Variants in SLC22A3 observed in about 807,000 individuals in gnomAD.
The protein encoded by SLC22A3 is EMT organic cation transporter 3.
In SLC22A3, 51 loss-of-function variants were observed where a neutral mutation model predicts 59.1. The observed-to-expected ratio is 0.86, with a 90% confidence interval of 0.69 to 1.09. The LOEUF is 1.09. Ranked by LOEUF, SLC22A3 falls within the 50% of genes least tolerant of loss-of-function variation. SLC22A3 has a pLI of 0.00. For missense variants in SLC22A3, 711 were observed against 726.3 expected, an observed-to-expected ratio of 0.98 and a Z score of 0.24; for synonymous variants, 325 against 292.0, an observed-to-expected ratio of 1.11 and a Z score of -1.15.
At chr6:160,390,172 G>T (rs546770703) in intron 1 of SLC22A3, among the ~76,000 whole-genome samples, 80 of 152,298 alleles carry the variant, frequency 5.3e-4, no homozygotes, top group African/African-American at 1.9e-3. Context: ...TGATCCACTT[G>T]TTAAGCACTC....
chr6:160,403,140 G>T (rs1000672377), intron 2 of SLC22A3, among the ~76,000 whole-genome samples: 1 of 151,260 alleles, frequency 6.6e-6, no homozygotes, highest in Admixed American at 6.6e-5. Context: ...CCTCCAGTCA[G>T]ACTAAGAAAA....
In SLC22A3 at chr6:160,415,346, C is replaced by A. The variant is rs1322606985; in HGVS notation, c.975+4500C>A. 5.9e-5 allele frequency among the ~76,000 whole-genome samples: 9 copies of A among 152,188 alleles called. No individual in the cohort carries two copies. Among genetic ancestry groups the A allele is most frequent in the African/African-American group, 2.2e-4 (9 of 41,452 alleles). Reference sequence around the variant, plus strand: ...GGTAGGCACTGTACTTGAACTCCAACCCCAAAAATCACAGCAGGATTCCAT... The same window carrying A: ...GGTAGGCACTGTACTTGAACTCCAAACCCAAAAATCACAGCAGGATTCCAT... On this transcript the variant is annotated intron_variant, in intron 5 of 10. Coordinates refer to ENST00000275300, the MANE Select transcript of SLC22A3 (RefSeq NM_021977.4). The surrounding 1 kb of genome is among the most constrained non-coding windows in gnomAD (Gnocchi z 4.1).
rs1007048027 is a variant in SLC22A3, at chr6:160,356,602, C to G, written c.429+7754C>G. ...GGGCTGAGCAGCTCCCAGGGTGCAG[C>G]GCTGTCCCCTTCATGGCTATGGAGT... On this transcript the variant is annotated intron_variant, in intron 1 of 10. Transcript: ENST00000275300. Among the ~76,000 whole-genome samples the G allele has an allele frequency of 1.3e-5, 2 of 152,194 alleles. 1 individual carries two copies. The highest frequency in any genetic ancestry group is 3.9e-4 in the East Asian group (2 of 5,192).
At chr6:160,354,309 A>G (rs1045190588) in intron 1 of SLC22A3, among the ~76,000 whole-genome samples, 8 of 152,322 alleles carry the variant, frequency 5.3e-5, no homozygotes, top group African/African-American at 1.9e-4. Context: ...TCAGCACTAG[A>G]ATGGGTACAA....
intron 1 of SLC22A3, among the ~76,000 whole-genome samples, chr6:160,360,176 G>A (rs970379113): frequency 5.9e-5 from 9 of 151,934 alleles, no homozygotes; most frequent in Admixed American, 3.3e-4. Flanking sequence ...ACATACAAGC[G>A]GCCGGGCACA....
chr6:160,377,066 G>T (rs1785622724), intron 1 of SLC22A3, among the ~76,000 whole-genome samples: 1 of 152,200 alleles, frequency 6.6e-6, no homozygotes, highest in South Asian at 2.1e-4. Context: ...ATTTGGGAAA[G>T]ATGCTGTTGG....
intron 5 of SLC22A3, among the ~76,000 whole-genome samples, chr6:160,418,181 A>G (rs116570232): frequency 0.019 from 2,834 of 152,292 alleles, 72 homozygotes; most frequent in African/African-American, 0.063. Flanking sequence ...AGCACCATCC[A>G]GTTGGCTGCC....
At chr6:160,450,962 TCTTTCCTA>T (rs1788937456) in intron 10 of SLC22A3, 26 bp from the exon 11 acceptor site, 1 of 1,558,928 alleles carries the variant, frequency 6.4e-7, no homozygotes, top group Non-Finnish European at 8.7e-7. Flanking sequence ...AGTTACATAA[TCTTTCCTA>T]AAGACTTTCT....
chr6:160,433,653 G>C (rs1290082649), intron 5 of SLC22A3, among the ~76,000 whole-genome samples: 1 of 152,062 alleles, frequency 6.6e-6, no homozygotes, highest in Non-Finnish European at 1.5e-5. Context: ...GCTGTAGTGA[G>C]TCATGATTAC....
chr6:160,362,912 A>G (rs998255930), intron 1 of SLC22A3, among the ~76,000 whole-genome samples: 1 of 152,102 alleles, frequency 6.6e-6, no homozygotes, highest in African/African-American at 2.4e-5. Flanking sequence ...GTGCACGAGA[A>G]CGTCCCATCC....
rs572941220 is a variant in SLC22A3, at chr6:160,401,495, A to G, written c.533+3413A>G. The stretch of plus-strand genomic sequence containing the variant: ...AGGAGAAATAAAGACTTTGTTAGAC[A>G]AAAATTGAGGGAATTTGATGCCTTG... On this transcript the variant is annotated intron_variant, in intron 2 of 10. Transcript: ENST00000275300. Among the ~76,000 whole-genome samples the G allele has an allele frequency of 3.3e-5, 5 of 152,182 alleles. No individual in the cohort carries two copies. In the East Asian group the frequency reaches 9.6e-4, roughly 29 times the overall value.
intron 1 of SLC22A3, among the ~76,000 whole-genome samples, chr6:160,376,738 G>A (rs1484782315): frequency 6.6e-6 from 1 of 152,186 alleles, no homozygotes; most frequent in Admixed American, 6.5e-5. Flanking sequence ...CCTCCTTTTA[G>A]CTCTGTGAGG....
At chr6:160,371,390 T>G (rs1028919608) in intron 1 of SLC22A3, among the ~76,000 whole-genome samples, 1 of 152,154 alleles carries the variant, frequency 6.6e-6, no homozygotes, top group Admixed American at 6.5e-5. Context: ...TGTCCATGTG[T>G]TCTCATTGTT....
At chr6:160,437,353 T>A (rs1393098704) in intron 7 of SLC22A3, 142 bp downstream of exon 7, 1 of 863,536 alleles carries the variant, frequency 1.2e-6, no homozygotes, top group Non-Finnish European at 1.9e-6. Flanking sequence ...TTCTGCTTAA[T>A]CAGCATAAAA....
intron 2 of SLC22A3, 106 bp downstream of exon 2, chr6:160,398,188 C>T (rs1279287583): frequency 5.1e-5 from 42 of 828,528 alleles, no homozygotes; most frequent in South Asian, 4.4e-4. Flanking sequence ...TTGCTAAATT[C>T]GCAAACAATT....
intron 5 of SLC22A3, among the ~76,000 whole-genome samples, chr6:160,421,048 C>G (rs1047355258): frequency 1.3e-5 from 2 of 152,190 alleles, no homozygotes; most frequent in African/African-American, 4.8e-5. Flanking sequence ...TGCTTCATTC[C>G]TGCCTGATTC....
At chr6:160,419,322 G>A (rs936030794) in intron 5 of SLC22A3, among the ~76,000 whole-genome samples, 1 of 152,154 alleles carries the variant, frequency 6.6e-6, no homozygotes, top group Non-Finnish European at 1.5e-5. Context: ...TCCTTTCAAA[G>A]GGGGATTTTT....
At chr6:160,437,327 G>T (rs1007767012) in intron 7 of SLC22A3, 116 bp downstream of exon 7, 20 of 1,036,238 alleles carry the variant, frequency 1.9e-5, no homozygotes, top group Non-Finnish European at 2.8e-5. Flanking sequence ...ACAGTCTTTC[G>T]TGATGTCACT....
intron 2 of SLC22A3, among the ~76,000 whole-genome samples, chr6:160,403,728 A>G (rs1376541013): frequency 1.3e-5 from 2 of 151,976 alleles, no homozygotes; most frequent in Middle Eastern, 3.4e-3. Flanking sequence ...AGTGCGTAGT[A>G]TCCCAAGTAT....
Sources: allele counts gnomAD v4.1 joint callset (sites outside exome capture counted in the v4.1 genomes callset), GRCh38; gene constraint gnomAD v4.1.1; non-coding constraint Gnocchi (gnomAD v3.1); transcripts MANE v1.5; gene names NCBI Gene and HGNC (gene_info 2026-07-23, HGNC 2026-07-21).